Variants in AANAT observed in about 807,000 individuals in gnomAD.
AANAT encodes the protein serotonin N-acetyltransferase.
In AANAT, 11 loss-of-function variants were observed where a neutral mutation model predicts 15.6. The ratio of observed to expected loss-of-function variants is 0.71; its 90% CI spans 0.44 to 1.17. The LOEUF is 1.17. Ranked by LOEUF, AANAT falls within the 50% of genes most tolerant of loss-of-function variation. AANAT has a pLI of 0.00. For missense variants in AANAT, 286 were observed against 296.3 expected (o/e 0.97, Z 0.26); for synonymous variants, 139 against 131.5 (o/e 1.06, Z -0.39).
In AANAT at chr17:76,469,388, A is replaced by G; in HGVS notation, c.318+61A>G. 6 of 1,601,134 alleles carry G rather than the reference A, an allele frequency of 3.7e-6. No individual in the cohort carries two copies. In the South Asian group the frequency reaches 5.5e-5, roughly 15 times the overall value. On this transcript the variant is annotated intron_variant, in intron 3 of 3. Transcript: ENST00000392492. This position sits in a 1 kb window ranked among gnomAD's most constrained non-coding sequence, Gnocchi z 5.2. Reference sequence around the variant, plus strand: ...GCCTCTGAAGACAGAGGTCAGCCAGATGGCGGGGAGGGGAGCCCAGGGGCT... The same window carrying G: ...GCCTCTGAAGACAGAGGTCAGCCAGGTGGCGGGGAGGGGAGCCCAGGGGCT...
intron 1 of AANAT, among the ~76,000 whole-genome samples, chr17:76,458,842 G>A (rs1023277147): frequency 6.6e-6 from 1 of 152,186 alleles, no homozygotes; most frequent in Non-Finnish European, 1.5e-5. Context: ...GGAAGGCTAG[G>A]GTGCCTTAGG....
rs974678644 is a variant in AANAT at position 76,469,995 on chromosome 17, A to G, written c.*25A>G. 4.8e-6 allele frequency: 7 copies of G among 1,451,308 alleles called. No homozygotes were observed. In the East Asian group the frequency reaches 7.7e-5, roughly 16 times the overall value. 89.9% of individuals were successfully genotyped at this position (1,451,308 alleles called of 1,614,324 possible). A position where few individuals can be genotyped will look rare whatever the true frequency, so the allele number is the denominator to read the frequency against. ...AACTGGGCTGCCCACCTGGCTGCCA[A>G]CATGATCCCCGTCTCTGCCCTGGGC... On this transcript the variant is annotated 3_prime_UTR_variant, in exon 4 of 4. Transcript: ENST00000392492. This position sits in a 1 kb window ranked among gnomAD's most constrained non-coding sequence, Gnocchi z 5.2.
At position 76,468,896 on chromosome 17, in the gene AANAT, G is replaced by A. The variant is rs758729085; in HGVS notation, c.150G>A (p.Glu50=). 1.2e-5 allele frequency: 20 copies of A among 1,613,266 alleles called. No individual in the cohort carries two copies. Among genetic ancestry groups the A allele is most frequent in the Non-Finnish European group, 1.6e-5 (19 of 1,179,948 alleles). Residue 50 remains glutamate, a synonymous_variant, in exon 2 of 4, where the codon GAG becomes GAA. Transcript: ENST00000392492. Reference sequence around the variant, plus strand: ...CGGAGGACGCTGTCAGCGCCTTTGAGATCGAGCGTGAAGGTGAGTGGCCCC... The same window carrying A: ...CGGAGGACGCTGTCAGCGCCTTTGAAATCGAGCGTGAAGGTGAGTGGCCCC... ...LTPEDAVSAF[E]IEREAFISVL...
upstream of AANAT, chr17:76,465,781 T>C (rs1400115147): frequency 3.7e-6 from 1 of 268,272 alleles, no homozygotes; most frequent in South Asian, 3.3e-5. Flanking sequence ...CCCTGTCTCC[T>C]CTCCTGTCCC....
chr17:76,459,008 C>A (rs1358833685), intron 1 of AANAT, among the ~76,000 whole-genome samples: 1 of 152,218 alleles, frequency 6.6e-6, no homozygotes, highest in East Asian at 1.9e-4. Context: ...ATTCCTGGAG[C>A]CTCACCTGCT....
chr17:76,455,320 A>C (rs1396330351), intron 1 of AANAT, among the ~76,000 whole-genome samples: 4 of 151,842 alleles, frequency 2.6e-5, no homozygotes, highest in Non-Finnish European at 5.9e-5. Context: ...GCAAGGTGGC[A>C]GGCGCCTGTA....
At chr17:76,455,910 G>T (rs988595875) in intron 1 of AANAT, among the ~76,000 whole-genome samples, 2 of 152,218 alleles carry the variant, frequency 1.3e-5, no homozygotes, top group African/African-American at 4.8e-5. Context: ...CTACTCGGGA[G>T]GCTGATGCAG....
intron 1 of AANAT, among the ~76,000 whole-genome samples, chr17:76,456,757 T>TA (rs1275042568): frequency 6.6e-6 from 1 of 152,220 alleles, no homozygotes; most frequent in Non-Finnish European, 1.5e-5. Context: ...TAAGCACATA[T>TA]TATTGACCAG....
rs2073334935 is a variant in AANAT, at chr17:76,455,441, ACT to A, written c.-576+1662_-576+1663del. Among the ~76,000 whole-genome samples the A allele has an allele frequency of 4.6e-5, 7 of 152,250 alleles. 1 individual carries two copies. The South Asian group carries it at 1.2e-3, about 27-fold the overall frequency. On this transcript the variant is annotated intron_variant, in intron 1 of 6. Coordinates refer to the AANAT transcript ENST00000250615. Reference sequence around the variant, plus strand: ...ACTCCAGCTTGGGTGACAGAGTGAGACTCTATCTCAAAAGAAAAAAACTAACT... The same window carrying A: ...ACTCCAGCTTGGGTGACAGAGTGAGACTATCTCAAAAGAAAAAAACTAACT...
rs556197358 is a variant in AANAT, at chr17:76,460,130, A to ATTTTTTTTTTTT, written c.-456+789_-456+800dup. ...CAGCCTCAGTCACCTACTTCAGGAA[A>ATTTTTTTTTTTT]TTTTTTTTTTTTTTTTTTTTTTTTT... On this transcript the variant is annotated intron_variant, in intron 2 of 6. Coordinates refer to the AANAT transcript ENST00000250615. 4.7e-4 allele frequency among the ~76,000 whole-genome samples: 41 copies of ATTTTTTTTTTTT among 88,010 alleles called. 6 individuals are homozygous for ATTTTTTTTTTTT. The highest frequency in any genetic ancestry group is 8.8e-4 in the East Asian group (2 of 2,274). The allele number at this position is 88,010 out of a possible 152,430, so 57.7% of individuals were successfully genotyped here.
chr17:76,458,373 A>G (rs1265857414), intron 1 of AANAT, among the ~76,000 whole-genome samples: 2 of 152,162 alleles, frequency 1.3e-5, no homozygotes, highest in Non-Finnish European at 2.9e-5. Context: ...CAGGCTGGCT[A>G]GCAGGGTAAG....
In AANAT at chr17:76,468,845, T is replaced by C. The variant is rs2143980143; in HGVS notation, c.99T>C (p.Pro33=). ...GCTGTCAGCGGCGCCACACACTCCC[T>C]GCCAGTGAGTTTCGCTGCCTCACCC... The part of the protein sequence containing the change: ...SPSCQRRHTL[P]ASEFRCLTPE... Residue 33 remains proline (P), a synonymous_variant, in exon 2 of 4, where the codon CCT becomes CCC. Transcript: ENST00000392492. 6.2e-7 allele frequency: 1 copy of C among 1,613,654 alleles called. No individual in the cohort carries two copies. Among genetic ancestry groups the C allele is most frequent in the East Asian group, 2.2e-5 (1 of 44,880 alleles).
At chr17:76,453,692 T>C (rs1295708281) in exon 1 of AANAT, 14 of 152,264 alleles carry the variant, frequency 9.2e-5, no homozygotes, top group Non-Finnish European at 1.5e-5. Context: ...AGCATATGTA[T>C]AATGCACTGT....
upstream of AANAT, chr17:76,466,337 G>A: frequency 1.2e-6 from 1 of 853,528 alleles, no homozygotes; most frequent in Non-Finnish European, 1.7e-6. Flanking sequence ...CTTCTAGCAG[G>A]CAGGTGGGCC....
Position 76,468,822 on chromosome 17 carries a change from T to C in AANAT, c.76T>C (p.Cys26Arg). 6.2e-7 allele frequency: 1 copy of C among 1,613,564 alleles called. No homozygotes were observed. The highest frequency in any genetic ancestry group is 8.5e-7 in the Non-Finnish European group (1 of 1,179,972). ...ACCTGGGATCCCCGAGTCCCCGAGC[T>C]GTCAGCGGCGCCACACACTCCCTGC... ...LPPGIPESPS[C>R]QRRHTLPASE... Residue 26 changes from cysteine to arginine, a missense_variant, in exon 2 of 4, where the codon TGT (cysteine) becomes CGT (arginine). By Grantham distance (180) the Cys-to-Arg change is radical (BLOSUM62 -3). Transcript: ENST00000392492.
chr17:76,465,943 C>T (rs530979426), upstream of AANAT: 21 of 535,306 alleles, frequency 3.9e-5, 1 homozygote, highest in Middle Eastern at 1.4e-3. Flanking sequence ...TCGACCTCTC[C>T]GGCTCAAGCC....
intron 1 of AANAT, among the ~76,000 whole-genome samples, chr17:76,458,067 C>T (rs191359828): frequency 2.6e-5 from 4 of 152,266 alleles, no homozygotes; most frequent in African/African-American, 7.2e-5. Context: ...ATCATGTTAG[C>T]GGATATCAAA....
At chr17:76,456,581 A>C (rs532062015) in intron 1 of AANAT, among the ~76,000 whole-genome samples, 6 of 152,144 alleles carry the variant, frequency 3.9e-5, no homozygotes, top group Non-Finnish European at 8.8e-5. Flanking sequence ...ATCCCAGAAC[A>C]CAATGCCAAA....
chr17:76,467,027 G>A (rs3760138), upstream of AANAT, among the ~76,000 whole-genome samples: 3 of 151,636 alleles, frequency 2.0e-5, no homozygotes, highest in Admixed American at 6.6e-5. Flanking sequence ...GATGGGGTGT[G>A]AGCTGGAGGG....
Sources: gnomAD v4.1 joint callset for allele counts (sites outside exome capture counted in the v4.1 genomes callset) on GRCh38, gnomAD v4.1.1 for gene constraint, Gnocchi (gnomAD v3.1) non-coding constraint, MANE v1.5 for transcripts, NCBI Gene and HGNC (gene_info 2026-07-23, HGNC 2026-07-21) for gene names.